Variants in RNF4 observed in about 807,000 individuals in gnomAD.
The protein encoded by RNF4 is ring finger protein 4, also known as E3 ubiquitin-protein ligase RNF4.
In RNF4, 7 loss-of-function variants were observed where a neutral mutation model predicts 24.3. That is an observed-to-expected ratio of 0.29 (90% CI 0.16 to 0.54). The LOEUF (loss-of-function observed/expected upper bound fraction) is 0.54. Ranked by LOEUF, RNF4 falls within the 20% of genes least tolerant of loss-of-function variation. The pLI is 0.95. For synonymous variants in RNF4, 83 were observed against 84.3 expected (o/e 0.98, Z 0.09); for missense variants, 209 against 248.5 (o/e 0.84, Z 1.07).
chr4:2,487,209 T>C (rs573865105), intron 1 of RNF4, among the ~76,000 whole-genome samples: 1 of 152,290 alleles, frequency 6.6e-6, no homozygotes, highest in East Asian at 1.9e-4. Context: ...TGGGCTCAGG[T>C]GATCCTCCTG....
intron 4 of RNF4, among the ~76,000 whole-genome samples, chr4:2,500,974 C>A (rs936306856): frequency 6.6e-6 from 1 of 152,216 alleles, no homozygotes; most frequent in African/African-American, 2.4e-5. Context: ...TCTGGAAAAT[C>A]ATTTGTTATA....
At chr4:2,505,543 T>G (rs1400578025) in intron 4 of RNF4, 3 of 150,022 alleles carry the variant, frequency 2.0e-5, no homozygotes, top group Non-Finnish European at 3.0e-5. Context: ...GCCAGGATGG[T>G]CTCGATCTCC....
intron 1 of RNF4, among the ~76,000 whole-genome samples, chr4:2,478,457 G>A (rs1735148327): frequency 6.6e-6 from 1 of 152,176 alleles, no homozygotes; most frequent in Non-Finnish European, 1.5e-5. Context: ...AGGCCCAGAT[G>A]CCCAGGAGGA....
At chr4:2,487,917 G>A (rs952369218) in intron 1 of RNF4, among the ~76,000 whole-genome samples, 25 of 152,206 alleles carry the variant, frequency 1.6e-4, no homozygotes, top group Admixed American at 1.6e-3. Context: ...ACCAAGTGCT[G>A]AAGAAAATGC....
At chr4:2,497,661 G>C (rs1019538213) in intron 3 of RNF4, among the ~76,000 whole-genome samples, 8 of 152,280 alleles carry the variant, frequency 5.3e-5, no homozygotes, top group Middle Eastern at 3.4e-3. Context: ...TTGAGATAGA[G>C]TCTTGCTCTG....
At chr4:2,477,396 C>T (rs1487767875) in intron 1 of RNF4, among the ~76,000 whole-genome samples, 1 of 152,008 alleles carries the variant, frequency 6.6e-6, no homozygotes, top group East Asian at 1.9e-4. Flanking sequence ...ATGAGTGTGG[C>T]CAACATAGTG....
chr4:2,513,882 T>C lies in RNF4; in HGVS notation c.*63T>C. On this transcript the variant is annotated 3_prime_UTR_variant, in exon 8 of 8. Transcript: ENST00000314289. ...CAGACAGCCAGGTTCTCCAGTGGTATCTGCCTCCATTTTCCTGAGATCAAA... is the reference window on the plus strand; with the variant it reads ...CAGACAGCCAGGTTCTCCAGTGGTACCTGCCTCCATTTTCCTGAGATCAAA... 6.3e-7 allele frequency: 1 copy of C among 1,599,716 alleles called. No homozygotes were observed. Among genetic ancestry groups the C allele is most frequent in the African/African-American group, 1.3e-5 (1 of 74,580 alleles).
In RNF4 at chr4:2,514,117, C is replaced by A; in HGVS notation, c.*298C>A. 1 of 346,812 alleles carries A rather than the reference C, an allele frequency of 2.9e-6. No homozygotes were observed. Among genetic ancestry groups the A allele is most frequent in the Non-Finnish European group, 5.3e-6 (1 of 187,556 alleles). The allele number at this position is 346,812 out of a possible 1,614,324, so 21.5% of individuals were successfully genotyped here. On this transcript the variant is annotated 3_prime_UTR_variant, in exon 8 of 8. Coordinates refer to ENST00000314289, the MANE Select transcript of RNF4 (RefSeq NM_002938.5). ...TTCCAGTCTGGTTGCAGAATCTGCACATTTGCCAAGAAATTTTCCCTGTTT... is the reference window on the plus strand; with the variant it reads ...TTCCAGTCTGGTTGCAGAATCTGCAAATTTGCCAAGAAATTTTCCCTGTTT...
At chr4:2,494,547 T>G (rs937037053) in intron 2 of RNF4, 2 of 151,570 alleles carry the variant, frequency 1.3e-5, no homozygotes, top group African/African-American at 2.4e-5. Flanking sequence ...CTGGCTAATT[T>G]TTTTTGTATT....
chr4:2,494,505 G>GTAGCTGGGAC (rs1258835524), intron 2 of RNF4: 3 of 150,978 alleles, frequency 2.0e-5, no homozygotes, highest in African/African-American at 4.9e-5. Flanking sequence ...AGCCTCCCAA[G>GTAGCTGGGAC]TAGCTGGGAC....
At chr4:2,495,642 G>GGA (rs199907915) in intron 2 of RNF4, among the ~76,000 whole-genome samples, 2 of 148,576 alleles carry the variant, frequency 1.3e-5, no homozygotes, top group African/African-American at 2.5e-5. Context: ...TTTTTTTTGG[G>GGA]GGGGGGTGAG....
chr4:2,471,477 A>C (rs1024175500), intron 1 of RNF4, among the ~76,000 whole-genome samples: 1 of 138,638 alleles, frequency 7.2e-6, no homozygotes, highest in Non-Finnish European at 1.6e-5. Context: ...GTGACCCTAC[A>C]GTGTCCAGGC....
intron 4 of RNF4, among the ~76,000 whole-genome samples, chr4:2,509,605 G>A (rs1736208150): frequency 6.6e-6 from 1 of 152,076 alleles, no homozygotes; most frequent in South Asian, 2.1e-4. Flanking sequence ...TACCAGTGAG[G>A]AAACACTCTG....
At chr4:2,489,202 T>C (rs1239397285) in intron 1 of RNF4, among the ~76,000 whole-genome samples, 1 of 152,196 alleles carries the variant, frequency 6.6e-6, no homozygotes, top group Non-Finnish European at 1.5e-5. Flanking sequence ...GCTTAGGAGT[T>C]AGGCCTTGAT....
chr4:2,471,400 C>T (rs1330032232), intron 1 of RNF4, among the ~76,000 whole-genome samples: 1 of 151,020 alleles, frequency 6.6e-6, no homozygotes, highest in Non-Finnish European at 1.5e-5. Flanking sequence ...CACTGACTGG[C>T]AGTTCCCAGT....
rs1560404802 is a variant in RNF4 at position 2,488,713 on chromosome 4, T to C, written c.-157-1624T>C. ...TCACACACCATTAAGGTAGGTGCAG[T>C]TCTGTTCTATAGATAAGGAAATGGG... On this transcript the variant is annotated intron_variant, in intron 1 of 7. Coordinates refer to ENST00000314289, the MANE Select transcript of RNF4 (RefSeq NM_002938.5). Among the ~76,000 whole-genome samples the C allele has an allele frequency of 2.6e-5, 4 of 152,368 alleles. No individual in the cohort carries two copies. In the South Asian group the frequency reaches 8.3e-4, roughly 32 times the overall value.
At chr4:2,497,297 C>T (rs2108767262) in intron 3 of RNF4, 176 bp downstream of exon 3, 1 of 512,108 alleles carries the variant, frequency 2.0e-6, no homozygotes, top group African/African-American at 1.9e-5. Context: ...ACTGGGCTAA[C>T]TGTTCAACTC....
chr4:2,492,183 G>A (rs1298409879), intron 2 of RNF4, among the ~76,000 whole-genome samples: 1 of 150,794 alleles, frequency 6.6e-6, no homozygotes, highest in Non-Finnish European at 1.5e-5. Context: ...TGGGGGCAGA[G>A]CAAGACTCCA....
chr4:2,504,488 G>A (rs1013774205), intron 4 of RNF4, among the ~76,000 whole-genome samples: 2 of 151,688 alleles, frequency 1.3e-5, no homozygotes, highest in Admixed American at 1.3e-4. Context: ...TTTCTCTTTT[G>A]TGAAGTGCCT....
Sources: allele counts gnomAD v4.1 joint callset (sites outside exome capture counted in the v4.1 genomes callset), GRCh38; gene constraint gnomAD v4.1.1; transcripts MANE v1.5; gene names NCBI Gene and HGNC (gene_info 2026-07-23, HGNC 2026-07-21).